Variants in CHM observed in about 807,000 individuals in gnomAD.
The protein encoded by CHM is CHM Rab escort protein.
Under a neutral mutation model 49.0 loss-of-function variants are expected in CHM, and 10 were observed. The observed-to-expected ratio is 0.20, with a 90% CI of 0.13 to 0.35. The LOEUF is 0.35. CHM is among the 10% of genes least tolerant of loss of function. The pLI is 1.00. For missense variants in CHM, 455 were observed against 478.4 expected, an observed-to-expected ratio of 0.95 and a Z score of 0.46; for synonymous variants, 184 against 167.5, an observed-to-expected ratio of 1.10 and a Z score of -0.76.
At chrX:85,932,829 A>C (rs1336061388) in intron 8 of CHM, among the ~76,000 whole-genome samples, 1 of 111,997 alleles carries the variant, frequency 8.9e-6, no homozygotes, top group African/African-American at 3.2e-5. Context: ...CTCACAAAAA[A>C]AGACAAGCAA....
At chrX:85,971,624 C>T in intron 4 of CHM, 1 of 284,658 alleles carries the variant, frequency 3.5e-6, no homozygotes, top group South Asian at 3.3e-5. Flanking sequence ...TTGCAAAGAG[C>T]AAAAGAGCAA....
At chrX:85,952,466 G>A (rs767552009) in intron 8 of CHM, among the ~76,000 whole-genome samples, 100 of 111,639 alleles carry the variant, frequency 9.0e-4, no homozygotes, top group Non-Finnish European at 1.6e-3. Flanking sequence ...TACCATGGAC[G>A]ATAAGGGAAC....
chrX:86,026,919 T>A (rs1340075446), intron 2 of CHM: 1 of 112,711 alleles, frequency 8.9e-6, no homozygotes, highest in African/African-American at 3.3e-5. Flanking sequence ...GATATAGAAA[T>A]GGAGAGATTT....
intron 1 of CHM, among the ~76,000 whole-genome samples, chrX:86,034,759 G>T (rs780746715): frequency 9.0e-6 from 1 of 110,702 alleles, no homozygotes; most frequent in Non-Finnish European, 1.9e-5. Flanking sequence ...CAGCCTGGGC[G>T]ACAAAAGCAA....
In CHM at chrX:85,868,231, G is replaced by A. The variant is rs757187329; in HGVS notation, c.1771-3410C>T. On this transcript the variant is annotated intron_variant, in intron 14 of 14. Transcript: ENST00000357749. ...GTAGAATCTAAAAAAGTTGAGGGTG[G>A]TTGCCAGGGGCTGGGGAGTGTAGAG... Among the ~76,000 whole-genome samples, 10 of 111,675 alleles carry A rather than the reference G, an allele frequency of 9.0e-5. No homozygotes were observed. In the South Asian group the frequency reaches 3.4e-3, roughly 38 times the overall value.
intron 9 of CHM, among the ~76,000 whole-genome samples, chrX:85,901,913 A>C (rs1262771630): frequency 9.0e-6 from 1 of 111,708 alleles, no homozygotes; most frequent in Non-Finnish European, 1.9e-5. Context: ...CAATGTGTCT[A>C]GATAAAAGGA....
intron 2 of CHM, among the ~76,000 whole-genome samples, chrX:86,001,729 C>G (rs922189064): frequency 9.0e-6 from 1 of 110,558 alleles, no homozygotes; most frequent in Non-Finnish European, 1.9e-5. Flanking sequence ...CCACCAGGCC[C>G]CACCTACTAA....
intron 8 of CHM, among the ~76,000 whole-genome samples, chrX:85,945,801 G>C (rs1351224171): frequency 1.8e-5 from 2 of 111,266 alleles, no homozygotes; most frequent in Admixed American, 9.6e-5. Flanking sequence ...AGTAAGATGA[G>C]GGAAAGTTTA....
At chrX:85,901,013 T>C in intron 10 of CHM, 71 bp downstream of exon 10, 1 of 733,364 alleles carries the variant, frequency 1.4e-6, no homozygotes, top group South Asian at 2.4e-5. Context: ...TGCATGTTAC[T>C]TGAAGAACAG....
At chrX:85,871,391 G>A (rs1314452088) in intron 14 of CHM, among the ~76,000 whole-genome samples, 1 of 107,597 alleles carries the variant, frequency 9.3e-6, no homozygotes, top group East Asian at 2.9e-4. Context: ...GAGCTTTTAT[G>A]GATAATCTTC....
intron 14 of CHM, among the ~76,000 whole-genome samples, chrX:85,865,924 C>T (rs1006237426): frequency 1.8e-5 from 2 of 112,369 alleles, no homozygotes; most frequent in African/African-American, 6.5e-5. Flanking sequence ...ATTCTGAAAG[C>T]ACTCAGTCAT....
At chrX:85,941,453 T>C (rs963721959) in intron 8 of CHM, among the ~76,000 whole-genome samples, 2 of 112,015 alleles carry the variant, frequency 1.8e-5, no homozygotes, top group Non-Finnish European at 3.8e-5. Context: ...TCCTCAGTTA[T>C]ACATCATCTG....
chrX:85,879,117 T>C (rs1176596391), intron 12 of CHM, 54 bp from the exon 13 acceptor site: 5 of 854,504 alleles, frequency 5.9e-6, no homozygotes, highest in South Asian at 4.3e-5. Context: ...ATTTTACTTA[T>C]ACTTAAGGCA....
chrX:86,026,713 T>C (rs1042241016), intron 2 of CHM, among the ~76,000 whole-genome samples: 2 of 112,137 alleles, frequency 1.8e-5, no homozygotes, highest in African/African-American at 6.5e-5. Flanking sequence ...AGATAACATA[T>C]GGGAAGACAC....
At chrX:85,986,827 G>A (rs1931941608) in intron 2 of CHM, among the ~76,000 whole-genome samples, 1 of 111,611 alleles carries the variant, frequency 9.0e-6, no homozygotes, top group South Asian at 3.8e-4. Context: ...TAAGCCGCCT[G>A]AAATGACAGA....
chrX:86,018,688 G>C (rs998075579), intron 2 of CHM, among the ~76,000 whole-genome samples: 4 of 112,146 alleles, frequency 3.6e-5, no homozygotes, highest in Non-Finnish European at 7.5e-5. Context: ...ATACATAATA[G>C]GAAATATCAT....
chrX:85,950,337 GAATA>G (rs1169894799), intron 8 of CHM, among the ~76,000 whole-genome samples: 5 of 70,186 alleles, frequency 7.1e-5, no homozygotes, highest in Non-Finnish European at 1.6e-4. Flanking sequence ...TATATGAAAT[GAATA>G]AATAATTTCA....
In CHM at chrX:85,929,974, C is replaced by T. The variant is rs149905445; in HGVS notation, c.1167-18636G>A. Among the ~76,000 whole-genome samples the T allele has an allele frequency of 6.2e-3, 685 of 111,048 alleles. 5 individuals carry two copies. The highest frequency in any genetic ancestry group is 0.021 in the African/African-American group (653 of 30,438). Reference sequence around the variant, plus strand: ...AAAATTAGCCAGGTGTGGTGGCATGCACCTGTAGTCCCAGCTACTTGGGAG... The same window carrying T: ...AAAATTAGCCAGGTGTGGTGGCATGTACCTGTAGTCCCAGCTACTTGGGAG... On this transcript the variant is annotated intron_variant, in intron 8 of 14. Coordinates refer to ENST00000357749, the MANE Select transcript of CHM (RefSeq NM_000390.4).
intron 8 of CHM, among the ~76,000 whole-genome samples, chrX:85,920,907 A>G (rs1927757445): frequency 8.9e-6 from 1 of 112,293 alleles, no homozygotes; most frequent in Non-Finnish European, 1.9e-5. Flanking sequence ...TGCAAAAATT[A>G]TTACAAAGAG....
Sources: allele counts gnomAD v4.1 joint callset (sites outside exome capture counted in the v4.1 genomes callset), GRCh38; gene constraint gnomAD v4.1.1; transcripts MANE v1.5; gene names NCBI Gene and HGNC (gene_info 2026-07-23, HGNC 2026-07-21).